The following CPS1 variants were observed in gnomAD, a reference collection of about 807,000 sequenced individuals.
CPS1 encodes carbamoyl-phosphate synthase [ammonia], mitochondrial.
Under a neutral mutation model 174.6 loss-of-function variants are expected in CPS1, and 109 were observed. The ratio of observed to expected loss-of-function variants is 0.62; its 90% CI spans 0.53 to 0.73. The LOEUF is 0.73. Ranked by LOEUF, CPS1 falls within the 30% of genes least tolerant of loss-of-function variation. The pLI, the probability that CPS1 is intolerant of heterozygous loss-of-function variation, is 0.00. For missense variants in CPS1, 1,689 were observed against 1,821.9 expected (o/e 0.93, Z 1.33); for synonymous variants, 637 against 632.0 (o/e 1.01, Z -0.12).
chr2:210,525,725 G>GCA (rs1695954104), intron 1 of CPS1, among the ~76,000 whole-genome samples: 5 of 151,448 alleles, frequency 3.3e-5, no homozygotes, highest in Admixed American at 2.6e-4. Context: ...GAGGATAGCT[G>GCA]GGCTGAGCCT....
intron 1 of CPS1, among the ~76,000 whole-genome samples, chr2:210,502,953 T>C (rs187979155): frequency 1.3e-5 from 2 of 152,332 alleles, no homozygotes; most frequent in Admixed American, 1.3e-4. Flanking sequence ...GCCCTTGTCA[T>C]AGACATTCTG....
chr2:210,510,630 G>A (rs905116763), intron 1 of CPS1, among the ~76,000 whole-genome samples: 9 of 152,068 alleles, frequency 5.9e-5, no homozygotes, highest in Admixed American at 1.3e-4. Context: ...TTTGCAATCT[G>A]CTCATCTGAC....
intron 5 of CPS1, 146 bp downstream of exon 5, chr2:210,579,916 T>C: frequency 1.4e-6 from 1 of 693,432 alleles, no homozygotes; most frequent in Non-Finnish European, 2.6e-6. Context: ...GTCTCTGTTA[T>C]TTTGTTTTAC....
intron 1 of CPS1, among the ~76,000 whole-genome samples, chr2:210,543,895 C>T (rs1696496057): frequency 6.6e-6 from 1 of 152,062 alleles, no homozygotes; most frequent in African/African-American, 2.4e-5. Flanking sequence ...AATCACTTCC[C>T]CCCCTCCCGC....
intron 7 of CPS1, 106 bp from the exon 8 acceptor site, chr2:210,590,000 T>G (rs1360457218): frequency 6.8e-7 from 1 of 1,466,646 alleles, no homozygotes; most frequent in East Asian, 2.3e-5. Context: ...GTTTACAAAT[T>G]TTTCCTTCCC....
intron 21 of CPS1, among the ~76,000 whole-genome samples, chr2:210,616,879 A>C (rs1165419470): frequency 6.6e-6 from 1 of 151,964 alleles, no homozygotes; most frequent in African/African-American, 2.4e-5. Flanking sequence ...AATTTTATTA[A>C]TCAATTAAAT....
chr2:210,513,260 T>C (rs947228858), intron 1 of CPS1, among the ~76,000 whole-genome samples: 2 of 151,112 alleles, frequency 1.3e-5, no homozygotes, highest in African/African-American at 2.4e-5. Flanking sequence ...TCTAAACTGC[T>C]TTCTACAGTA....
intron 21 of CPS1, among the ~76,000 whole-genome samples, chr2:210,621,644 T>G (rs3821135): frequency 0.14 from 20,866 of 152,058 alleles, 1,472 homozygotes; most frequent in East Asian, 0.27. Context: ...AGTGCATAGA[T>G]TCAATTTTGG....
chr2:210,590,792 T>C lies in CPS1; in HGVS notation c.841-8T>C, dbSNP rs753607947. The C allele has an allele frequency of 2.7e-5, 44 of 1,607,560 alleles. No homozygotes were observed. The highest frequency in any genetic ancestry group is 3.7e-5 in the Non-Finnish European group (43 of 1,175,222). On this transcript the variant is annotated splice_region_variant and splice_polypyrimidine_tract_variant and intron_variant, in intron 8 of 37. Transcript: ENST00000233072. Reference sequence around the variant, plus strand: ...CTAATTGGTTAATAAAAATTCTCCCTGATTTAGATTTTGGAGAGTGATCGC... The same window carrying C: ...CTAATTGGTTAATAAAAATTCTCCCCGATTTAGATTTTGGAGAGTGATCGC...
At chr2:210,674,467 A>G (rs1458170378) in intron 34 of CPS1, 1 of 140,326 alleles carries the variant, frequency 7.1e-6, no homozygotes, top group East Asian at 1.7e-4. Flanking sequence ...AAAAAACCCC[A>G]TCTCAAAAAA....
intron 1 of CPS1, among the ~76,000 whole-genome samples, chr2:210,537,993 C>T (rs1696303695): frequency 1.3e-5 from 2 of 152,160 alleles, no homozygotes; most frequent in African/African-American, 4.8e-5. Flanking sequence ...CTCTTAACTG[C>T]ATTTTTCTGG....
chr2:210,637,407 G>A lies in CPS1; in HGVS notation c.2688-295G>A, dbSNP rs28469042. On this transcript the variant is annotated intron_variant, in intron 21 of 37. Coordinates refer to ENST00000233072, the MANE Select transcript of CPS1 (RefSeq NM_001875.5). The stretch of plus-strand genomic sequence containing the variant: ...TGAGGTCTCTGATTATTACTAATGA[G>A]CACATTTATTAGAACAGTAAATGCA... Among the ~76,000 whole-genome samples the A allele has an allele frequency of 0.23, 34,772 of 152,006 alleles. 7,911 individuals carry two copies. The highest frequency in any genetic ancestry group is 0.59 in the African/African-American group (24,578 of 41,420).
chr2:210,616,973 T>G (rs1228671258), intron 21 of CPS1, among the ~76,000 whole-genome samples: 1 of 152,044 alleles, frequency 6.6e-6, no homozygotes, highest in African/African-American at 2.4e-5. Context: ...TGCTGTATAT[T>G]GAGGAGAAAA....
chr2:210,568,903 T>C (rs888063768), intron 1 of CPS1, among the ~76,000 whole-genome samples: 1 of 152,066 alleles, frequency 6.6e-6, no homozygotes. Context: ...TGTTTAATAT[T>C]TTCAGAATTA....
chr2:210,660,341 A>G, intron 31 of CPS1, 144 bp from the exon 32 acceptor site: 1 of 797,382 alleles, frequency 1.3e-6, no homozygotes, highest in South Asian at 1.6e-5. Context: ...AAATCCAAGC[A>G]GTAAGGAGAA....
intron 1 of CPS1, among the ~76,000 whole-genome samples, chr2:210,523,042 G>GA (rs1695870208): frequency 6.6e-6 from 1 of 151,998 alleles, no homozygotes; most frequent in Non-Finnish European, 1.5e-5. Flanking sequence ...AACTGAATTA[G>GA]AAAATGGGAG....
In CPS1 at chr2:210,594,616, TG is replaced by T. The variant is rs774530358; in HGVS notation, c.1263+13del. On this transcript the variant is annotated intron_variant, in intron 12 of 37. Transcript: ENST00000233072. ...TGCATCTCGGGTTGAGGTCAGTATG[TG>T]GGCTTATTTTTGGTTTATGAATTTT... The T allele has an allele frequency of 1.3e-5, 21 of 1,597,916 alleles. No individual in the cohort carries two copies. The highest frequency in any genetic ancestry group is 1.5e-5 in the Non-Finnish European group (18 of 1,166,392).
intron 2 of CPS1, among the ~76,000 whole-genome samples, chr2:210,575,516 G>GCACACACA (rs71395588): frequency 5.3e-4 from 78 of 145,918 alleles, no homozygotes; most frequent in African/African-American, 1.9e-3. Flanking sequence ...ATATGTATAT[G>GCACACACA]CACACACACA....
chr2:210,606,088 G>A (rs1698897979), intron 17 of CPS1, among the ~76,000 whole-genome samples: 1 of 151,920 alleles, frequency 6.6e-6, no homozygotes, highest in African/African-American at 2.4e-5. Flanking sequence ...ATTTAATTTG[G>A]CTCTTTTGGA....
Sources: allele counts gnomAD v4.1 joint callset (sites outside exome capture counted in the v4.1 genomes callset), GRCh38; gene constraint gnomAD v4.1.1; transcripts MANE v1.5; gene names NCBI Gene and HGNC (gene_info 2026-07-23, HGNC 2026-07-21).